Variants in ZIM2 observed in about 807,000 individuals in gnomAD.
The protein encoded by ZIM2 is zinc finger imprinted 2, also known as zinc finger protein 656.
ZIM2 carries 14 observed loss-of-function variants against 38.6 expected under a neutral mutation model. The ratio of observed to expected loss-of-function variants is 0.36; its 90% CI spans 0.24 to 0.57. The LOEUF is 0.57. Among genes scored for constraint, ZIM2 ranks in the 20% least tolerant of loss-of-function variants. ZIM2 has a pLI of 0.81. For synonymous variants in ZIM2, 247 were observed against 245.8 expected, an observed-to-expected ratio of 1.00 and a Z score of -0.04; for missense variants, 680 against 695.1, an observed-to-expected ratio of 0.98 and a Z score of 0.24.
intron 9 of ZIM2, chr19:56,815,192 T>C (rs1451262934): frequency 3.7e-6 from 6 of 1,614,070 alleles, no homozygotes; most frequent in African/African-American, 2.7e-5. Flanking sequence ...GGGTCTTCAA[T>C]TGTCTCCTGA....
intron 10 of ZIM2, among the ~76,000 whole-genome samples, chr19:56,788,338 T>G (rs1434680513): frequency 1.3e-5 from 2 of 152,236 alleles, no homozygotes; most frequent in Non-Finnish European, 2.9e-5. Context: ...AGAATTTATT[T>G]ATTTCTGCCT....
chr19:56,810,926 T>C (rs2059495790), intron 9 of ZIM2: 3 of 965,610 alleles, frequency 3.1e-6, no homozygotes, highest in East Asian at 1.1e-4. Flanking sequence ...GACATTATTA[T>C]AGGGAACATT....
chr19:56,815,493 G>A (rs371604666), intron 9 of ZIM2: 3 of 1,613,928 alleles, frequency 1.9e-6, no homozygotes, highest in Non-Finnish European at 2.5e-6. Context: ...GCTCAGTGAG[G>A]TCAGAGCTAT....
At chr19:56,816,441 A>C in intron 9 of ZIM2, 1 of 1,614,108 alleles carries the variant, frequency 6.2e-7, no homozygotes, top group Non-Finnish European at 8.5e-7. Context: ...ACTGACCAGG[A>C]ATAAAGGTTT....
chr19:56,806,105 AAAAC>A (rs967806204), intron 9 of ZIM2, among the ~76,000 whole-genome samples: 5 of 152,210 alleles, frequency 3.3e-5, no homozygotes, highest in South Asian at 4.1e-4. Context: ...TGCAAATGAC[AAAAC>A]AAATAGGAGA....
chr19:56,821,955 A>G (rs569499631), intron 6 of ZIM2, among the ~76,000 whole-genome samples: 24 of 151,698 alleles, frequency 1.6e-4, no homozygotes, highest in African/African-American at 5.6e-4. Context: ...GGGCAGGGCC[A>G]GGGGCCCTGC....
At chr19:56,810,771 A>G in intron 9 of ZIM2, 1 of 981,782 alleles carries the variant, frequency 1.0e-6, no homozygotes, top group Non-Finnish European at 1.2e-6. Context: ...AACAAGATAG[A>G]GGAAACAGAT....
chr19:56,828,814 G>C (rs542714691), intron 2 of ZIM2, among the ~76,000 whole-genome samples: 1 of 152,122 alleles, frequency 6.6e-6, no homozygotes, highest in Non-Finnish European at 1.5e-5. Flanking sequence ...TCAAAGAAAT[G>C]TAAAATATTA....
At chr19:56,815,837 T>C in intron 9 of ZIM2, 1 of 1,613,682 alleles carries the variant, frequency 6.2e-7, no homozygotes, top group Non-Finnish European at 8.5e-7. Flanking sequence ...CGCTTATCAT[T>C]AAGGTCTGAG....
chr19:56,823,928 C>G (rs2060762210), intron 4 of ZIM2, among the ~76,000 whole-genome samples: 1 of 152,154 alleles, frequency 6.6e-6, no homozygotes, highest in Non-Finnish European at 1.5e-5. Flanking sequence ...AGAAGGCAAC[C>G]TCCTAGCACA....
At chr19:56,792,255 C>T (rs977012137) in intron 9 of ZIM2, among the ~76,000 whole-genome samples, 3 of 151,928 alleles carry the variant, frequency 2.0e-5, no homozygotes, top group South Asian at 2.1e-4. Flanking sequence ...ACAGAATCTG[C>T]GGTGGCTCTT....
chr19:56,816,984 A>G (rs2060038907), intron 9 of ZIM2: 2 of 1,614,172 alleles, frequency 1.2e-6, no homozygotes, highest in Admixed American at 1.7e-5. Flanking sequence ...CACTGTGGAT[A>G]AAGGACTCAC....
intron 12 of ZIM2, among the ~76,000 whole-genome samples, chr19:56,776,796 T>C (rs539175845): frequency 6.6e-6 from 1 of 151,854 alleles, no homozygotes; most frequent in Non-Finnish European, 1.5e-5. Flanking sequence ...AAATGATTAG[T>C]GGAGGGGACA....
chr19:56,822,813 C>A lies in ZIM2; in HGVS notation c.130G>T (p.Gly44Cys). The A allele has an allele frequency of 6.2e-7, 1 of 1,613,980 alleles. No homozygotes were observed. Among genetic ancestry groups the A allele is most frequent in the Admixed American group, 1.7e-5 (1 of 60,008 alleles). The change falls in exon 6 of 13, where the codon GGC (glycine) becomes TGC (cysteine). Residue 44 changes from glycine (G) to cysteine (C), a missense_variant. Coordinates refer to ENST00000629319, the MANE Select transcript of ZIM2 (RefSeq NM_001387356.1). The part of the protein sequence containing the change: ...FSGDRDWDRR[G>C]RSRDMEPRDR... ...CGTGGCTCCATGTCTCTGCTTCTGC[C>A]CCTCCGGTCCCAGTCCCGGTCACCT...
intron 1 of ZIM2, among the ~76,000 whole-genome samples, chr19:56,838,978 C>T (rs904937766): frequency 1.3e-5 from 2 of 152,186 alleles, no homozygotes; most frequent in Non-Finnish European, 2.9e-5. Context: ...TCAGCCTTGC[C>T]CCGCCGCATC....
rs370699815 is a variant in ZIM2, at chr19:56,814,729, G to C, written c.490+3017C>G. ...AAGTCTCATATGCTCATTAAGGGCA[G>C]AGCTATGAATGAAGCCTTGTCCACA... is the stretch of plus-strand genomic sequence containing the variant. On this transcript the variant is annotated intron_variant, in intron 9 of 12. Coordinates refer to ENST00000629319, the MANE Select transcript of ZIM2 (RefSeq NM_001387356.1). The surrounding 1 kb of genome is among the most constrained non-coding windows in gnomAD (Gnocchi z 5.8). 58 of 1,613,968 alleles carry C rather than the reference G, an allele frequency of 3.6e-5. No individual in the cohort carries two copies. Among genetic ancestry groups the C allele is most frequent in the Non-Finnish European group, 4.8e-5 (57 of 1,180,012 alleles).
At position 56,775,229 on chromosome 19, in the gene ZIM2, C is replaced by G. The variant is rs755398450; in HGVS notation, c.1136G>C (p.Arg379Pro). The change falls in exon 13 of 13, where the codon CGG becomes CCG. Residue 379 changes from arginine (R) to proline (P), a missense_variant. Coordinates refer to ENST00000629319, the MANE Select transcript of ZIM2 (RefSeq NM_001387356.1). ...ATAGGGTTTCTTCCCAGTATGGATC[C>G]GTTCGTGTCTCCTAAGGGCTACTTG... is the stretch of plus-strand genomic sequence containing the variant. ...STQVALRRHE[R>P]IHTGKKPYEC... The G allele has an allele frequency of 6.2e-7, 1 of 1,614,122 alleles. No individual in the cohort carries two copies. Among genetic ancestry groups the G allele is most frequent in the East Asian group, 2.2e-5 (1 of 44,872 alleles).
intron 9 of ZIM2, chr19:56,815,512 C>T (rs748399691): frequency 6.2e-7 from 1 of 1,614,104 alleles, no homozygotes; most frequent in Non-Finnish European, 8.5e-7. Context: ...ATGAGCAAAG[C>T]ACTCCCCACA....
intron 3 of ZIM2, among the ~76,000 whole-genome samples, chr19:56,825,459 G>A (rs1027285114): frequency 1.3e-5 from 2 of 151,976 alleles, no homozygotes; most frequent in African/African-American, 4.8e-5. Flanking sequence ...CTTTCTTACT[G>A]TTTCTTTACT....
Sources: allele counts gnomAD v4.1 joint callset (sites outside exome capture counted in the v4.1 genomes callset), GRCh38; gene constraint gnomAD v4.1.1; non-coding constraint Gnocchi (gnomAD v3.1); transcripts MANE v1.5; gene names NCBI Gene and HGNC (gene_info 2026-07-23, HGNC 2026-07-21).